Variants in EYA3 observed in about 807,000 individuals in gnomAD.
EYA3 encodes the protein EYA transcriptional coactivator and phosphatase 3.
A neutral mutation model predicts 80.0 loss-of-function variants in EYA3; 39 were observed. That is an observed-to-expected ratio of 0.49 (90% confidence interval 0.38 to 0.64). EYA3 has a LOEUF of 0.64. Among genes scored for constraint, EYA3 ranks in the 30% least tolerant of loss-of-function variants. The pLI is 0.00. For missense variants in EYA3, 523 were observed against 676.1 expected (o/e 0.77, Z 2.51); for synonymous variants, 206 against 232.8 (o/e 0.88, Z 1.05).
chr1:28,081,928 G>A (rs1169932399), intron 1 of EYA3, among the ~76,000 whole-genome samples: 4 of 152,064 alleles, frequency 2.6e-5, no homozygotes, highest in Non-Finnish European at 5.9e-5. Context: ...TTTGAATGTG[G>A]AAGCCATTAA....
At chr1:27,981,755 C>A (rs557198808) in intron 16 of EYA3, among the ~76,000 whole-genome samples, 1 of 146,498 alleles carries the variant, frequency 6.8e-6, no homozygotes, top group Non-Finnish European at 1.5e-5. Context: ...CCTGGTGAGA[C>A]CCTGTCTCAA....
At chr1:28,073,103 T>TTCTCTATATATATA (rs1447435853) in intron 1 of EYA3, among the ~76,000 whole-genome samples, 1 of 37,762 alleles carries the variant, frequency 2.6e-5, no homozygotes, top group Non-Finnish European at 4.3e-5. Flanking sequence ...GATGAAACTA[T>TTCTCTATATATATA]TATATATATA....
At chr1:27,977,580 G>A (rs946561500) in intron 17 of EYA3, among the ~76,000 whole-genome samples, 5 of 151,208 alleles carry the variant, frequency 3.3e-5, no homozygotes, top group African/African-American at 4.9e-5. Context: ...GCCAGGCGTG[G>A]TGGCTCAAAC....
intron 4 of EYA3, among the ~76,000 whole-genome samples, chr1:28,040,768 G>C (rs1235655910): frequency 6.6e-6 from 1 of 151,770 alleles, no homozygotes; most frequent in East Asian, 1.9e-4. Flanking sequence ...AGCAAGTGAG[G>C]GCAACTCTTG....
chr1:28,029,589 A>T (rs1471383958), intron 6 of EYA3, among the ~76,000 whole-genome samples: 1 of 150,806 alleles, frequency 6.6e-6, no homozygotes, highest in African/African-American at 2.5e-5. Context: ...TTAAAAAGAA[A>T]ATCCTTTTTT....
intron 3 of EYA3, among the ~76,000 whole-genome samples, chr1:28,043,877 T>C (rs577717999): frequency 6.6e-6 from 1 of 152,106 alleles, no homozygotes; most frequent in East Asian, 1.9e-4. Context: ...ACAAAAATTA[T>C]ACGTTTGTTT....
intron 6 of EYA3, among the ~76,000 whole-genome samples, chr1:28,031,525 G>T (rs570557463): frequency 6.6e-6 from 1 of 152,264 alleles, no homozygotes; most frequent in East Asian, 1.9e-4. Context: ...CCCAGAATGG[G>T]GTCTTATCAC....
chr1:28,057,800 T>C (rs893986421), intron 2 of EYA3, among the ~76,000 whole-genome samples, 194 bp downstream of exon 2: 1 of 152,170 alleles, frequency 6.6e-6, no homozygotes, highest in Non-Finnish European at 1.5e-5. Flanking sequence ...GCAATATTCA[T>C]TTCGTAATGC....
chr1:27,976,475 C>A (rs1268187118), intron 17 of EYA3, among the ~76,000 whole-genome samples: 3 of 150,924 alleles, frequency 2.0e-5, no homozygotes, highest in Non-Finnish European at 4.4e-5. Flanking sequence ...CAAAACAAAA[C>A]AAAAAAAAGA....
At chr1:28,029,073 A>T (rs1442052779) in intron 6 of EYA3, among the ~76,000 whole-genome samples, 1 of 152,200 alleles carries the variant, frequency 6.6e-6, no homozygotes, top group Non-Finnish European at 1.5e-5. Flanking sequence ...TACCTCTAAG[A>T]TTCATCTTTC....
intron 7 of EYA3, among the ~76,000 whole-genome samples, chr1:28,019,989 A>G (rs1026891105): frequency 7.9e-5 from 12 of 152,174 alleles, no homozygotes; most frequent in African/African-American, 2.9e-4. Context: ...GGCATGAGCC[A>G]CCACGCCCGG....
At chr1:28,072,216 A>G (rs994730528) in intron 1 of EYA3, among the ~76,000 whole-genome samples, 5 of 152,234 alleles carry the variant, frequency 3.3e-5, no homozygotes, top group Non-Finnish European at 5.9e-5. Context: ...TTATAAACCA[A>G]TAACATGTTA....
intron 7 of EYA3, among the ~76,000 whole-genome samples, chr1:28,021,353 C>A (rs1377624849): frequency 6.6e-6 from 1 of 152,046 alleles, no homozygotes; most frequent in Non-Finnish European, 1.5e-5. Context: ...AAACCAAGAC[C>A]TTTTCTGTTT....
chr1:28,072,622 G>T (rs1369284007), intron 1 of EYA3, among the ~76,000 whole-genome samples: 1 of 152,138 alleles, frequency 6.6e-6, no homozygotes, highest in African/African-American at 2.4e-5. Flanking sequence ...CACTGCTGGT[G>T]GGAATGCAAA....
At chr1:27,982,654 G>A (rs998613818) in intron 16 of EYA3, among the ~76,000 whole-genome samples, 1 of 151,942 alleles carries the variant, frequency 6.6e-6, no homozygotes, top group Non-Finnish European at 1.5e-5. Flanking sequence ...GTGCAGTGGT[G>A]CAATCTTGGC....
chr1:28,058,347 C>T (rs953860023), intron 1 of EYA3, among the ~76,000 whole-genome samples: 1 of 152,054 alleles, frequency 6.6e-6, no homozygotes, highest in Admixed American at 6.6e-5. Flanking sequence ...ACTATGGTGC[C>T]TAATGCATTG....
chr1:28,079,141 G>C (rs768101811), intron 1 of EYA3, among the ~76,000 whole-genome samples: 5 of 152,182 alleles, frequency 3.3e-5, no homozygotes, highest in Non-Finnish European at 7.3e-5. Context: ...AATAGTGCCT[G>C]GCACATAGTA....
intron 1 of EYA3, among the ~76,000 whole-genome samples, chr1:28,085,533 C>A (rs998369888): frequency 5.3e-5 from 8 of 151,944 alleles, no homozygotes; most frequent in African/African-American, 1.7e-4. Flanking sequence ...AACAAACAAA[C>A]AAAACAAGTA....
At chr1:27,977,692 AC>A (rs1239773356) in intron 17 of EYA3, among the ~76,000 whole-genome samples, 1 of 152,010 alleles carries the variant, frequency 6.6e-6, no homozygotes, top group Non-Finnish European at 1.5e-5. Flanking sequence ...TACTAAAAAT[AC>A]AAAAATTAGT....
Sources: gnomAD v4.1 joint callset for allele counts (sites outside exome capture counted in the v4.1 genomes callset) on GRCh38, gnomAD v4.1.1 for gene constraint, MANE v1.5 for transcripts, NCBI Gene and HGNC (gene_info 2026-07-23, HGNC 2026-07-21) for gene names.